SOS1: variants seen among roughly 807,000 people sequenced by gnomAD.
SOS1 encodes the protein SOS Ras/Rac guanine nucleotide exchange factor 1, also known as son of sevenless homolog 1.
SOS1 carries 25 observed loss-of-function variants against 157.6 expected under a neutral mutation model. The observed-to-expected ratio is 0.16, with a 90% CI of 0.12 to 0.22. The LOEUF (loss-of-function observed/expected upper bound fraction) is 0.22. Ranked by LOEUF, SOS1 falls within the 10% of genes least tolerant of loss-of-function variation. The probability of loss-of-function intolerance (pLI) is 1.00; values close to 1 mark genes in which losing one functional copy is unlikely to be tolerated. For synonymous variants in SOS1, 528 were observed against 534.0 expected (o/e 0.99, Z 0.16); for missense variants, 1,237 against 1,599.1 (o/e 0.77, Z 3.86).
chr2:39,078,996 G>A (rs1449358790), intron 1 of SOS1, among the ~76,000 whole-genome samples: 2 of 137,498 alleles, frequency 1.5e-5, no homozygotes, highest in African/African-American at 5.5e-5. Flanking sequence ...GGAGGTGAAG[G>A]TTGCAGTGAG....
At chr2:39,021,274 A>C (rs1392546483) in intron 10 of SOS1, among the ~76,000 whole-genome samples, 1 of 151,646 alleles carries the variant, frequency 6.6e-6, no homozygotes, top group Admixed American at 6.6e-5. Context: ...TTTGCTTTAA[A>C]GTGTCCTCAT....
At chr2:39,079,534 GC>G (rs1387628208) in intron 1 of SOS1, among the ~76,000 whole-genome samples, 1 of 123,282 alleles carries the variant, frequency 8.1e-6, no homozygotes, top group Non-Finnish European at 1.6e-5. Flanking sequence ...TCGCTCTGTC[GC>G]CCAGGTTGGA....
chr2:39,118,528 T>G (rs1673743289), intron 1 of SOS1, among the ~76,000 whole-genome samples: 1 of 152,210 alleles, frequency 6.6e-6, no homozygotes, highest in Non-Finnish European at 1.5e-5. Context: ...TCACTTCTAC[T>G]GCAAAAGTAT....
At chr2:39,076,233 C>T (rs1159113886) in intron 1 of SOS1, among the ~76,000 whole-genome samples, 2 of 152,108 alleles carry the variant, frequency 1.3e-5, no homozygotes, top group African/African-American at 4.8e-5. Context: ...AAACCGATCA[C>T]TACCCAAAAT....
intron 6 of SOS1, among the ~76,000 whole-genome samples, chr2:39,036,734 C>T (rs898811448): frequency 4.6e-5 from 7 of 151,182 alleles, no homozygotes; most frequent in African/African-American, 1.7e-4. Context: ...CCACCACGCC[C>T]GGCTATTTTT....
At chr2:39,119,938 C>T (rs888565815) in intron 1 of SOS1, among the ~76,000 whole-genome samples, 7 of 152,204 alleles carry the variant, frequency 4.6e-5, no homozygotes, top group African/African-American at 1.7e-4. Context: ...TCTCAAGCCA[C>T]TAAAACCAGC....
intron 4 of SOS1, 131 bp from the exon 5 acceptor site, chr2:39,054,954 G>A: frequency 1.4e-5 from 9 of 631,634 alleles, no homozygotes; most frequent in Non-Finnish European, 2.2e-5. Context: ...TTCTCTTCTT[G>A]GATATATTGC....
At chr2:39,077,940 A>C (rs1307447647) in intron 1 of SOS1, among the ~76,000 whole-genome samples, 1 of 152,222 alleles carries the variant, frequency 6.6e-6, no homozygotes, top group African/African-American at 2.4e-5. Context: ...AATGAAGAAA[A>C]ATTCTAATTC....
intron 14 of SOS1, 100 bp from the exon 15 acceptor site, chr2:39,010,803 G>T: frequency 1.1e-6 from 1 of 945,190 alleles, no homozygotes; most frequent in Non-Finnish European, 1.7e-6. Flanking sequence ...ACTCTCATAT[G>T]AACTTTCCTC....
chr2:39,074,794 G>A (rs922255127), intron 1 of SOS1, among the ~76,000 whole-genome samples: 3 of 151,926 alleles, frequency 2.0e-5, no homozygotes, highest in African/African-American at 7.3e-5. Context: ...TTGAACCCGG[G>A]AGGCGGAGGT....
chr2:39,108,937 A>G (rs1224257612), intron 1 of SOS1, among the ~76,000 whole-genome samples: 3 of 151,214 alleles, frequency 2.0e-5, no homozygotes, highest in Non-Finnish European at 4.4e-5. Context: ...AGTGGCTCAC[A>G]TATGTAATCC....
rs1671228114 is a variant in SOS1 at position 39,056,756 on chromosome 2, T to C, written c.456A>G (p.Ile152Met). The part of the protein sequence containing the change: ...LKLVGNYVRN[I>M]RHYEITKQDI... Reference sequence around the variant, plus strand: ...CTTGTTTTGTAATTTCATAATGCCGTATATTTCTTACATAATTCCCAACCA... The same window carrying C: ...CTTGTTTTGTAATTTCATAATGCCGCATATTTCTTACATAATTCCCAACCA... Residue 152 changes from isoleucine (I) to methionine (M), a missense_variant, in exon 4 of 23, where the codon ATA becomes ATG. Coordinates refer to ENST00000402219, the MANE Select transcript of SOS1 (RefSeq NM_005633.4). 1 of 1,602,234 alleles carries C rather than the reference T, an allele frequency of 6.2e-7. No individual in the cohort carries two copies. Among genetic ancestry groups the C allele is most frequent in the South Asian group, 1.1e-5 (1 of 90,882 alleles).
intron 6 of SOS1, among the ~76,000 whole-genome samples, chr2:39,046,554 G>T (rs1670792789): frequency 6.9e-6 from 1 of 145,380 alleles, no homozygotes; most frequent in East Asian, 2.0e-4. Context: ...GCCCAGGCTG[G>T]AGTGCAGTGG....
At chr2:39,092,640 G>C (rs1046955384) in intron 1 of SOS1, among the ~76,000 whole-genome samples, 2 of 152,110 alleles carry the variant, frequency 1.3e-5, no homozygotes, top group African/African-American at 4.8e-5. Context: ...CTGGTATCTA[G>C]AACACTGCTT....
At chr2:39,102,458 G>C (rs1177854544) in intron 1 of SOS1, among the ~76,000 whole-genome samples, 1 of 136,682 alleles carries the variant, frequency 7.3e-6, no homozygotes, top group African/African-American at 2.7e-5. Flanking sequence ...TAAAACCCAG[G>C]AGGCCAAGGC....
chr2:39,064,052 C>T (rs1486838908), intron 2 of SOS1, among the ~76,000 whole-genome samples: 1 of 151,928 alleles, frequency 6.6e-6, no homozygotes, highest in Non-Finnish European at 1.5e-5. Flanking sequence ...CAGGCTGGTC[C>T]TGAACTCTTG....
intron 2 of SOS1, among the ~76,000 whole-genome samples, chr2:39,065,000 C>T (rs145846905): frequency 2.6e-4 from 39 of 151,688 alleles, no homozygotes; most frequent in Non-Finnish European, 4.1e-4. Context: ...TTAGGTTATC[C>T]GCCTGCTTTG....
rs1474325673 is a variant in SOS1 at position 38,986,125 on chromosome 2, T to C, written c.3701A>G (p.Gln1234Arg). 1 of 1,613,526 alleles carries C rather than the reference T, an allele frequency of 6.2e-7. No individual in the cohort carries two copies. Among genetic ancestry groups the C allele is most frequent in the African/African-American group, 1.3e-5 (1 of 74,892 alleles). Residue 1234 changes from glutamine to arginine, a missense_variant, in exon 23 of 23, where the codon CAA becomes CGA. By Grantham distance (43) the Gln-to-Arg change is conservative. Around this residue, in one of 15 missense-constraint regions of SOS1, gnomAD observed 306 missense variants for 322.6 expected, o/e 0.95. Transcript: ENST00000402219. ...ACTTTTTTTGCCCAAAGGGGGAGGT[T>C]GGAGATGTAGTGGTGAGCTTGAGAA... ...DVFSSSPLHL[Q>R]PPPLGKKSDH...
intron 16 of SOS1, 48 bp from the exon 17 acceptor site, chr2:39,006,577 C>A: frequency 1.1e-6 from 1 of 949,308 alleles, no homozygotes. Context: ...AATCAAAGGT[C>A]TTGTCAAAAA....
Sources: gnomAD v4.1 joint callset for allele counts (sites outside exome capture counted in the v4.1 genomes callset) on GRCh38, gnomAD v4.1.1 for gene constraint, gnomAD v4.1.1 regional missense constraint, MANE v1.5 for transcripts, NCBI Gene and HGNC (gene_info 2026-07-23, HGNC 2026-07-21) for gene names.